The following BRF1 variants were observed in gnomAD, a reference collection of about 807,000 sequenced individuals.
The protein encoded by BRF1 is transcription factor IIIB 90 kDa subunit.
BRF1 carries 59 observed loss-of-function variants against 81.7 expected under a neutral mutation model. The ratio of observed to expected loss-of-function variants is 0.72; its 90% CI spans 0.59 to 0.90. The LOEUF (loss-of-function observed/expected upper bound fraction) is 0.90. BRF1 is among the 40% of genes least tolerant of loss of function. The pLI, the probability that BRF1 is intolerant of heterozygous loss-of-function variation, is 0.00. For missense variants in BRF1, 1,050 were observed against 936.3 expected (o/e 1.12, Z -1.58); for synonymous variants, 491 against 395.6 (o/e 1.24, Z -2.86).
chr14:105,226,221 A>T (rs752053960), intron 9 of BRF1, 30 bp downstream of exon 9: 1 of 1,614,048 alleles, frequency 6.2e-7, no homozygotes, highest in East Asian at 2.2e-5. Flanking sequence ...AACAAAACAG[A>T]AGCATTACAT....
Position 105,241,292 on chromosome 14 carries a change from G to T in BRF1, c.667C>A (p.Arg223=), listed in dbSNP as rs370270828. Residue 223 remains arginine, a synonymous_variant, in exon 6 of 18, where the codon CGG becomes AGG. Transcript: ENST00000547530. ...GCTCCGCAGAGGCCCGAGGGGCGCCGGCCTGTGTGCATCCAGTCCCGCTTC... is the reference window on the plus strand; with the variant it reads ...GCTCCGCAGAGGCCCGAGGGGCGCCTGCCTGTGTGCATCCAGTCCCGCTTC... ...RMKRDWMHTG[R]RPSGLCGAAL... The T allele has an allele frequency of 2.5e-6, 4 of 1,612,360 alleles. No homozygotes were observed. Among genetic ancestry groups the T allele is most frequent in the East Asian group, 4.5e-5 (2 of 44,886 alleles).
At chr14:105,218,483 G>A (rs896379188) in intron 14 of BRF1, among the ~76,000 whole-genome samples, 1 of 152,190 alleles carries the variant, frequency 6.6e-6, no homozygotes, top group Non-Finnish European at 1.5e-5. Flanking sequence ...TCGTCTGAGG[G>A]ACCCCAGTCT....
chr14:105,300,570 G>A lies in BRF1; in HGVS notation c.60C>T (p.Arg20=). 2.0e-6 allele frequency: 3 copies of A among 1,492,862 alleles called. No homozygotes were observed. Among genetic ancestry groups the A allele is most frequent in the Non-Finnish European group, 2.7e-6 (3 of 1,124,988 alleles). The allele number at this position is 1,492,862 out of a possible 1,614,324, so 92.5% of individuals were successfully genotyped here. A position where few individuals can be genotyped will look rare whatever the true frequency, so the allele number is the denominator to read the frequency against. The part of the protein sequence containing the change: ...GGTDIELDAA[R]GDAVCTACGS... Reference sequence around the variant, plus strand: ...CGCAGGCGGTGCACACCGCGTCCCCGCGCGCCGCGTCCAGCTCGATGTCCG... The same window carrying A: ...CGCAGGCGGTGCACACCGCGTCCCCACGCGCCGCGTCCAGCTCGATGTCCG... The change falls in exon 1 of 18, where the codon CGC becomes CGT. Residue 20 remains arginine (R), a synonymous_variant. Transcript: ENST00000547530.
upstream of BRF1, among the ~76,000 whole-genome samples, chr14:105,302,968 A>G (rs1270269148): frequency 6.7e-6 from 1 of 149,868 alleles, no homozygotes; most frequent in Non-Finnish European, 1.5e-5. Context: ...GATAGAGAAC[A>G]CCCAGGCTGG....
intron 3 of BRF1, among the ~76,000 whole-genome samples, chr14:105,260,432 T>TACA (rs1420696966): frequency 6.6e-6 from 1 of 151,866 alleles, no homozygotes; most frequent in East Asian, 1.9e-4. Context: ...AGTGCAATGG[T>TACA]ACAATCTTGG....
rs1872742730 is a variant in BRF1 at position 105,248,547 on chromosome 14, C to G, written c.544+3960G>C. ...GCGGCCCTGACGCAGCGTGACGCAC[C>G]GGCGCCGCGGCGGGTACGGGCTCGG... On this transcript the variant is annotated intron_variant, in intron 5 of 17. Transcript: ENST00000547530. The G allele has an allele frequency of 3.3e-5, 27 of 821,712 alleles. 1 individual carries two copies. Among genetic ancestry groups the G allele is most frequent in the Non-Finnish European group, 3.8e-5 (27 of 704,380 alleles). 50.9% of individuals were successfully genotyped at this position (821,712 alleles called of 1,614,324 possible). A position where few individuals can be genotyped will look rare whatever the true frequency, so the allele number is the denominator to read the frequency against.
At chr14:105,216,930 C>G (rs587744382) in intron 15 of BRF1, among the ~76,000 whole-genome samples, 1 of 152,218 alleles carries the variant, frequency 6.6e-6, no homozygotes. Context: ...CCCCAAGACG[C>G]AGCAGGTGAG....
intron 5 of BRF1, chr14:105,250,738 C>A: frequency 6.8e-7 from 1 of 1,476,346 alleles, no homozygotes; most frequent in Non-Finnish European, 9.2e-7. Flanking sequence ...CTAACTGCTT[C>A]TTGACACCAT....
chr14:105,250,785 T>G, intron 5 of BRF1: 1 of 1,140,382 alleles, frequency 8.8e-7, no homozygotes, highest in East Asian at 2.5e-5. Context: ...CTTTGACATG[T>G]AGTCAGCTGA....
intron 5 of BRF1, chr14:105,250,543 CT>C (rs1310712970): frequency 6.2e-7 from 1 of 1,614,122 alleles, no homozygotes; most frequent in Non-Finnish European, 8.5e-7. Context: ...AACTCAGCTA[CT>C]TTGGGCAGGA....
intron 11 of BRF1, 93 bp from the exon 12 acceptor site, chr14:105,220,223 G>C: frequency 6.8e-7 from 1 of 1,465,594 alleles, no homozygotes; most frequent in Non-Finnish European, 9.5e-7. Context: ...CCTGGGTCTG[G>C]GCTAAGGGCT....
rs775323807 is a variant in BRF1 at position 105,241,404 on chromosome 14, C to G, written c.555G>C (p.Leu185=). 3.7e-6 allele frequency: 6 copies of G among 1,612,092 alleles called. No individual in the cohort carries two copies. Among genetic ancestry groups the G allele is most frequent in the Admixed American group, 1.7e-5 (1 of 59,990 alleles). Residue 185 remains leucine (L), a synonymous_variant, in exon 6 of 18, where the codon CTG becomes CTC. Transcript: ENST00000547530. The part of the protein sequence containing the change: ...CINAPAIDPC[L]YIPRFAHLLE... The stretch of plus-strand genomic sequence containing the variant: ...GCAGGTGCGCAAAGCGTGGAATATA[C>G]AGGCACGGGTCTGCGGCAGACACAG...
rs1277340098 is a variant in BRF1, at chr14:105,226,686, T to A, written c.863A>T (p.Glu288Val). 1 of 1,613,596 alleles carries A rather than the reference T, an allele frequency of 6.2e-7. No individual in the cohort carries two copies. Among genetic ancestry groups the A allele is most frequent in the Admixed American group, 1.7e-5 (1 of 60,022 alleles). Reference sequence around the variant, plus strand: ...AGCTGTGTACGAGGGGGGGTCGCACTCCTCCTCCAGGTCGATCTTCATGAA... The same window carrying A: ...AGCTGTGTACGAGGGGGGGTCGCACACCTCCTCCAGGTCGATCTTCATGAA... ...DEFMKIDLEE[E>V]CDPPSYTAGQ... Residue 288 changes from glutamate (E) to valine (V), a missense_variant, in exon 8 of 18, where the codon GAG (glutamate) becomes GTG (valine). Physicochemically the swap from Glu to Val is moderately radical, Grantham distance 121 (BLOSUM62 -2). Transcript: ENST00000547530.
chr14:105,300,550 G>C lies in BRF1; in HGVS notation c.80C>G (p.Ala27Gly). The change falls in exon 1 of 18, where the codon GCC (alanine) becomes GGC (glycine). Residue 27 changes from alanine (A) to glycine (G), a missense_variant. This residue lies in a region of BRF1 where 1,043 missense variants were observed against 915.4 expected (regional missense o/e 1.14). Coordinates refer to ENST00000547530, the MANE Select transcript of BRF1 (RefSeq NM_001519.4). ...GTTGTCCTCCAGCACTGAGCCGCAG[G>C]CGGTGCACACCGCGTCCCCGCGCGC... ...DAARGDAVCT[A>G]CGSVLEDNII... The C allele has an allele frequency of 2.0e-6, 3 of 1,522,258 alleles. No individual in the cohort carries two copies. The highest frequency in any genetic ancestry group is 2.6e-6 in the Non-Finnish European group (3 of 1,138,872). The allele number at this position is 1,522,258 out of a possible 1,614,324, so 94.3% of individuals were successfully genotyped here.
At chr14:105,270,565 G>A (rs1378057853) in intron 3 of BRF1, among the ~76,000 whole-genome samples, 1 of 151,934 alleles carries the variant, frequency 6.6e-6, no homozygotes, top group African/African-American at 2.4e-5. Context: ...AGGGCGGGTG[G>A]ATCACTTGAG....
At chr14:105,260,172 A>AG (rs1201064803) in intron 3 of BRF1, among the ~76,000 whole-genome samples, 1 of 152,154 alleles carries the variant, frequency 6.6e-6, no homozygotes, top group Non-Finnish European at 1.5e-5. Flanking sequence ...CCTTCAGAGG[A>AG]GAAAAAGACC....
At chr14:105,259,138 C>T (rs141442125) in intron 3 of BRF1, among the ~76,000 whole-genome samples, 1 of 152,078 alleles carries the variant, frequency 6.6e-6, no homozygotes, top group Non-Finnish European at 1.5e-5. Flanking sequence ...AGGTATTTAC[C>T]CAAGAGAAAT....
intron 4 of BRF1, among the ~76,000 whole-genome samples, chr14:105,255,110 G>C (rs936839497): frequency 6.6e-6 from 1 of 152,210 alleles, no homozygotes; most frequent in Non-Finnish European, 1.5e-5. Flanking sequence ...CAGGGATCAA[G>C]AGGGAGACTC....
rs959571491 is a variant in BRF1 at position 105,210,533 on chromosome 14, C to G, written c.*18G>C. On this transcript the variant is annotated 3_prime_UTR_variant, in exon 18 of 18. Coordinates refer to ENST00000547530, the MANE Select transcript of BRF1 (RefSeq NM_001519.4). The surrounding 1 kb of genome is among the most constrained non-coding windows in gnomAD (Gnocchi z 4.7). ...GCGAGGCCCCCTGCCAGGACATCAC[C>G]TGCCTGGAGGCCACACTTCAGTAGC... The G allele has an allele frequency of 3.1e-6, 5 of 1,610,244 alleles. No individual in the cohort carries two copies. In the African/African-American group the frequency reaches 6.7e-5, roughly 21 times the overall value.
Sources: gnomAD v4.1 joint callset for allele counts (sites outside exome capture counted in the v4.1 genomes callset) on GRCh38, gnomAD v4.1.1 for gene constraint, gnomAD v4.1.1 regional missense constraint, Gnocchi (gnomAD v3.1) non-coding constraint, MANE v1.5 for transcripts, NCBI Gene and HGNC (gene_info 2026-07-23, HGNC 2026-07-21) for gene names.